Variants in EPB41L4A observed in about 807,000 individuals in gnomAD.
EPB41L4A encodes the protein erythrocyte membrane protein band 4.1 like 4A, also known as band 4.1-like protein 4A.
In EPB41L4A, 100 loss-of-function variants were observed where a neutral mutation model predicts 108.6. That is an observed-to-expected ratio of 0.92 (90% CI 0.78 to 1.09). EPB41L4A has a LOEUF of 1.09. Ranked by LOEUF, EPB41L4A falls within the 50% of genes least tolerant of loss-of-function variation. EPB41L4A has a pLI of 0.00. For synonymous variants in EPB41L4A, 319 were observed against 289.0 expected (o/e 1.10, Z -1.05); for missense variants, 1,030 against 842.7 (o/e 1.22, Z -2.75).
downstream of EPB41L4A, chr5:112,162,378 G>A (rs1759962124): frequency 1.3e-5 from 2 of 152,258 alleles, no homozygotes; most frequent in Admixed American, 6.5e-5. Flanking sequence ...AGGGAGGAGG[G>A]GTTCTTTTTT....
intron 1 of EPB41L4A, among the ~76,000 whole-genome samples, chr5:112,417,832 T>C (rs184540840): frequency 6.6e-6 from 1 of 152,344 alleles, no homozygotes; most frequent in East Asian, 1.9e-4. Context: ...CCTATGAAAC[T>C]GGAATTCTGT....
intron 9 of EPB41L4A, 79 bp from the exon 10 acceptor site, chr5:112,240,889 A>G: frequency 2.5e-6 from 2 of 786,246 alleles, no homozygotes; most frequent in Non-Finnish European, 4.1e-6. Flanking sequence ...GCCCCCTTTA[A>G]GTAACAAAAA....
intron 12 of EPB41L4A, among the ~76,000 whole-genome samples, chr5:112,151,092 T>C (rs1325298519): frequency 2.0e-5 from 3 of 152,148 alleles, no homozygotes; most frequent in Admixed American, 6.5e-5. Context: ...GGTCGAAAGA[T>C]TGCAATTAGA....
intron 1 of EPB41L4A, among the ~76,000 whole-genome samples, chr5:112,312,128 A>C (rs1190626468): frequency 6.6e-6 from 1 of 152,240 alleles, no homozygotes; most frequent in Non-Finnish European, 1.5e-5. Context: ...ATAGATTTAT[A>C]AAGCATAAAA....
intron 11 of EPB41L4A, among the ~76,000 whole-genome samples, chr5:112,235,915 A>T (rs1749299476): frequency 1.3e-5 from 2 of 152,138 alleles, no homozygotes; most frequent in South Asian, 4.1e-4. Context: ...TTGAAATGTA[A>T]CTTCTTCTAA....
At chr5:112,221,627 T>A (rs993930736) in intron 12 of EPB41L4A, among the ~76,000 whole-genome samples, 3 of 152,218 alleles carry the variant, frequency 2.0e-5, no homozygotes, top group Non-Finnish European at 4.4e-5. Flanking sequence ...TGTATATGAC[T>A]TAGTTCCTAC....
At chr5:112,396,114 G>A (rs1029223939) in intron 1 of EPB41L4A, among the ~76,000 whole-genome samples, 1 of 152,130 alleles carries the variant, frequency 6.6e-6, no homozygotes, top group Non-Finnish European at 1.5e-5. Flanking sequence ...TTGGGGGAAG[G>A]GGGAGGGATA....
At chr5:112,344,226 A>T (rs915295500) in intron 1 of EPB41L4A, among the ~76,000 whole-genome samples, 16 of 152,340 alleles carry the variant, frequency 1.1e-4, no homozygotes, top group Non-Finnish European at 1.9e-4. Flanking sequence ...TAATTAAACA[A>T]GAGTAAAAAT....
At chr5:112,327,958 C>G (rs1756287929) in intron 1 of EPB41L4A, among the ~76,000 whole-genome samples, 2 of 152,112 alleles carry the variant, frequency 1.3e-5, no homozygotes, top group African/African-American at 4.8e-5. Context: ...CTGTTCATCC[C>G]TTTTCATTTT....
chr5:112,217,449 A>G lies in EPB41L4A; in HGVS notation c.1088-7467T>C, dbSNP rs571482693. 3.3e-5 allele frequency among the ~76,000 whole-genome samples: 5 copies of G among 152,300 alleles called. No homozygotes were observed. In the Middle Eastern group the frequency reaches 0.014, roughly 414 times the overall value. On this transcript the variant is annotated intron_variant, in intron 12 of 22. Transcript: ENST00000261486. Reference sequence around the variant, plus strand: ...TACAGTAGCTCACTCCTGTAATCCCAGCACTTTGGGAAGACAATGCAGGAG... The same window carrying G: ...TACAGTAGCTCACTCCTGTAATCCCGGCACTTTGGGAAGACAATGCAGGAG...
At chr5:112,212,902 A>C (rs1456905122) in intron 12 of EPB41L4A, among the ~76,000 whole-genome samples, 6 of 152,196 alleles carry the variant, frequency 3.9e-5, no homozygotes, top group African/African-American at 1.4e-4. Context: ...TAGTCTAACA[A>C]TCAATTACTT....
chr5:112,248,257 C>A (rs2150402390), intron 9 of EPB41L4A, among the ~76,000 whole-genome samples: 1 of 152,282 alleles, frequency 6.6e-6, no homozygotes, highest in South Asian at 2.1e-4. Context: ...CATGGCATTT[C>A]AAATATCTCT....
exon 14 of EPB41L4A, chr5:112,142,957 A>G (rs567220429): frequency 1.3e-5 from 2 of 152,282 alleles, no homozygotes; most frequent in South Asian, 4.2e-4. Context: ...GTGAGCCATG[A>G]GAGGATTCAC....
At chr5:112,235,240 G>A (rs1200431085) in intron 11 of EPB41L4A, among the ~76,000 whole-genome samples, 1 of 152,156 alleles carries the variant, frequency 6.6e-6, no homozygotes, top group African/African-American at 2.4e-5. Flanking sequence ...CCCTGCCTGG[G>A]CCAGATCAAG....
intron 17 of EPB41L4A, among the ~76,000 whole-genome samples, chr5:112,190,920 G>C (rs1761666087): frequency 1.3e-5 from 2 of 152,102 alleles, no homozygotes; most frequent in South Asian, 4.1e-4. Context: ...CCAGGAAACA[G>C]AAAGGAACTG....
chr5:112,238,844 G>T (rs1018230632), intron 11 of EPB41L4A, among the ~76,000 whole-genome samples: 1 of 152,170 alleles, frequency 6.6e-6, no homozygotes, highest in Non-Finnish European at 1.5e-5. Flanking sequence ...TGAACAGAAT[G>T]AATTGAAACA....
At chr5:112,281,444 T>A (rs972103813) in intron 2 of EPB41L4A, among the ~76,000 whole-genome samples, 2 of 152,128 alleles carry the variant, frequency 1.3e-5, no homozygotes, top group Non-Finnish European at 2.9e-5. Context: ...GCACTGGAGT[T>A]CCCACAAAAG....
intron 12 of EPB41L4A, among the ~76,000 whole-genome samples, chr5:112,224,259 T>C (rs2150343181): frequency 6.6e-6 from 1 of 152,344 alleles, no homozygotes; most frequent in South Asian, 2.1e-4. Flanking sequence ...CTGAGATGTT[T>C]TAAAGAATTG....
intron 1 of EPB41L4A, among the ~76,000 whole-genome samples, chr5:112,342,375 G>A (rs1269454535): frequency 6.6e-6 from 1 of 152,122 alleles, no homozygotes; most frequent in African/African-American, 2.4e-5. Context: ...AGCATTCACA[G>A]AATGCTTTAT....
Sources: gnomAD v4.1 joint callset for allele counts (sites outside exome capture counted in the v4.1 genomes callset) on GRCh38, gnomAD v4.1.1 for gene constraint, MANE v1.5 for transcripts, NCBI Gene and HGNC (gene_info 2026-07-23, HGNC 2026-07-21) for gene names.